Variants in NLGN4X observed in about 807,000 individuals in gnomAD.
NLGN4X encodes the protein neuroligin-4, X-linked.
A neutral mutation model predicts 40.3 loss-of-function variants in NLGN4X; 3 were observed. That is an observed-to-expected ratio of 0.07 (90% CI 0.03 to 0.19). The LOEUF (loss-of-function observed/expected upper bound fraction) is 0.19. Among genes scored for constraint, NLGN4X ranks in the 10% least tolerant of loss-of-function variants. The pLI, the probability that NLGN4X is intolerant of heterozygous loss-of-function variation, is 1.00. For synonymous variants in NLGN4X, 270 were observed against 306.8 expected (o/e 0.88, Z 1.25); for missense variants, 382 against 708.3 (o/e 0.54, Z 5.23).
chrX:6,159,541 T>C (rs1251337372), intron 1 of NLGN4X, among the ~76,000 whole-genome samples: 1 of 112,064 alleles, frequency 8.9e-6, no homozygotes, highest in Non-Finnish European at 1.9e-5. Context: ...GTTTTCTCCA[T>C]GATTATGCGA....
At chrX:6,059,127 G>A (rs1311150115) in intron 2 of NLGN4X, among the ~76,000 whole-genome samples, 2 of 112,101 alleles carry the variant, frequency 1.8e-5, no homozygotes, top group African/African-American at 6.5e-5. Flanking sequence ...TGACTACTGA[G>A]TACTTGGGAA....
chrX:6,034,408 T>C (rs1182383866), intron 2 of NLGN4X, among the ~76,000 whole-genome samples: 3 of 112,613 alleles, frequency 2.7e-5, no homozygotes, highest in Non-Finnish European at 5.6e-5. Flanking sequence ...ATTTGGTTTA[T>C]TTCTACTTGT....
chrX:6,030,722 G>GTATTTATTT (rs2036836232), intron 2 of NLGN4X, among the ~76,000 whole-genome samples: 1 of 111,097 alleles, frequency 9.0e-6, no homozygotes, highest in Admixed American at 9.6e-5. Flanking sequence ...TTTAATCCAC[G>GTATTTATTT]GCAGAAAAGT....
chrX:6,173,127 T>C (rs192925100), intron 1 of NLGN4X, among the ~76,000 whole-genome samples: 156 of 112,386 alleles, frequency 1.4e-3, no homozygotes, highest in African/African-American at 4.8e-3. Context: ...CTGAGTTAAC[T>C]TCCTCCAAAA....
chrX:6,022,137 C>T (rs1011185537), intron 3 of NLGN4X, among the ~76,000 whole-genome samples: 26 of 111,849 alleles, frequency 2.3e-4, no homozygotes, highest in African/African-American at 8.1e-4. Context: ...GTTTTAGTAA[C>T]GCCTGGGTCC....
At chrX:6,009,597 T>C (rs2036195378) in intron 3 of NLGN4X, among the ~76,000 whole-genome samples, 1 of 112,410 alleles carries the variant, frequency 8.9e-6, no homozygotes, top group African/African-American at 3.2e-5. Flanking sequence ...TTAATGCCCT[T>C]GAAGAGCTGA....
intron 2 of NLGN4X, among the ~76,000 whole-genome samples, chrX:6,132,183 C>T (rs2039694311): frequency 9.0e-6 from 1 of 111,538 alleles, no homozygotes; most frequent in South Asian, 3.8e-4. Context: ...GCACTGTGGG[C>T]ATTTGGGGGC....
intron 1 of NLGN4X, among the ~76,000 whole-genome samples, chrX:6,206,726 G>T (rs11095019): frequency 0.38 from 41,903 of 110,676 alleles, 5,964 homozygotes; most frequent in Non-Finnish European, 0.45. Flanking sequence ...CCCTGTGAGT[G>T]TCTGTGTCTT....
At chrX:6,010,545 T>TATTATTATTATTATTA (rs1569184098) in intron 3 of NLGN4X, among the ~76,000 whole-genome samples, 1 of 105,553 alleles carries the variant, frequency 9.5e-6, no homozygotes, top group Admixed American at 1.0e-4. Flanking sequence ...TTATTATTAT[T>TATTATTATTATTATTA]TTAGACGAAG....
intron 3 of NLGN4X, among the ~76,000 whole-genome samples, chrX:5,932,487 T>C (rs2033582676): frequency 9.0e-6 from 1 of 111,670 alleles, no homozygotes; most frequent in Non-Finnish European, 1.9e-5. Flanking sequence ...AATATAATGA[T>C]TGGAACAGAT....
At chrX:6,123,835 CAAAA>C in intron 2 of NLGN4X, among the ~76,000 whole-genome samples, 1 of 59,304 alleles carries the variant, frequency 1.7e-5, no homozygotes, top group Non-Finnish European at 3.9e-5. Context: ...TCAGGTAAAG[CAAAA>C]AAAAAAAAAG....
intron 2 of NLGN4X, among the ~76,000 whole-genome samples, chrX:6,078,887 C>T (rs1251237972): frequency 9.0e-6 from 1 of 111,122 alleles, no homozygotes; most frequent in African/African-American, 3.3e-5. Context: ...GTGATTAGAT[C>T]ATGAGGACAG....
intron 3 of NLGN4X, among the ~76,000 whole-genome samples, chrX:6,007,432 T>C (rs765392002): frequency 8.9e-6 from 1 of 111,907 alleles, no homozygotes; most frequent in South Asian, 3.8e-4. Flanking sequence ...ACTATGAATA[T>C]ACCCATATAA....
intron 3 of NLGN4X, among the ~76,000 whole-genome samples, chrX:6,021,173 C>T (rs1413910655): frequency 9.5e-6 from 1 of 104,931 alleles, no homozygotes; most frequent in Non-Finnish European, 1.9e-5. Flanking sequence ...AACTCCTGGC[C>T]TCAAGGAATC....
At chrX:6,077,518 G>T (rs761812646) in intron 2 of NLGN4X, among the ~76,000 whole-genome samples, 1 of 110,155 alleles carries the variant, frequency 9.1e-6, no homozygotes, top group South Asian at 3.9e-4. Context: ...CGAACTCCTG[G>T]GGTCAAGCAA....
chrX:6,209,827 T>G (rs1924402655), intron 1 of NLGN4X, among the ~76,000 whole-genome samples: 1 of 111,781 alleles, frequency 8.9e-6, no homozygotes, highest in Non-Finnish European at 1.9e-5. Context: ...CTGTATAGAT[T>G]AGATTAGTTT....
chrX:6,115,071 T>C (rs2039247528), intron 2 of NLGN4X, among the ~76,000 whole-genome samples: 1 of 112,290 alleles, frequency 8.9e-6, no homozygotes, highest in African/African-American at 3.2e-5. Context: ...ACAATGCCTG[T>C]GTGTTGGAAT....
At chrX:5,929,248 A>C (rs1052950685) in intron 3 of NLGN4X, among the ~76,000 whole-genome samples, 1 of 111,469 alleles carries the variant, frequency 9.0e-6, no homozygotes. Flanking sequence ...AGATCACCTG[A>C]GGTCAGGAGT....
chrX:6,220,663 C>A (rs1925576742), intron 1 of NLGN4X, among the ~76,000 whole-genome samples: 1 of 107,851 alleles, frequency 9.3e-6, no homozygotes, highest in Non-Finnish European at 1.9e-5. Flanking sequence ...ACTTAGGTCT[C>A]ATGTTAACGA....
Sources: gnomAD v4.1 joint callset for allele counts (sites outside exome capture counted in the v4.1 genomes callset) on GRCh38, gnomAD v4.1.1 for gene constraint, MANE v1.5 for transcripts, NCBI Gene and HGNC (gene_info 2026-07-23, HGNC 2026-07-21) for gene names.